Variants in FBXO21 observed in about 807,000 individuals in gnomAD.
FBXO21 encodes F-box only protein 21.
Under a neutral mutation model 76.6 loss-of-function variants are expected in FBXO21, and 32 were observed. The ratio of observed to expected loss-of-function variants is 0.42; its 90% CI spans 0.32 to 0.56. The LOEUF (loss-of-function observed/expected upper bound fraction) is 0.56, where lower values mean the gene tolerates loss of function less well. Among genes scored for constraint, FBXO21 ranks in the 20% least tolerant of loss-of-function variants. FBXO21 has a pLI of 0.16. For missense variants in FBXO21, 586 were observed against 797.3 expected (o/e 0.73, Z 3.19); for synonymous variants, 328 against 311.5 (o/e 1.05, Z -0.56).
chr12:117,185,684 A>G (rs1034758629), intron 3 of FBXO21, among the ~76,000 whole-genome samples: 11 of 152,256 alleles, frequency 7.2e-5, no homozygotes, highest in Non-Finnish European at 1.3e-4. Flanking sequence ...TCACCCAAAG[A>G]TCTACAGTGT....
intron 7 of FBXO21, among the ~76,000 whole-genome samples, chr12:117,170,798 A>G (rs1402907108): frequency 6.6e-6 from 1 of 152,238 alleles, no homozygotes; most frequent in Non-Finnish European, 1.5e-5. Context: ...GGTGTCTTAA[A>G]TGTTTTATAG....
In FBXO21 at chr12:117,145,978, C is replaced by G; in HGVS notation, c.*109G>C. ...GCAACCAGCACTACTGGTGGAGTGG[C>G]TTTCCTGGTGCAGCAGGTCCCGAGG... is the stretch of plus-strand genomic sequence containing the variant. On this transcript the variant is annotated 3_prime_UTR_variant, in exon 12 of 12. Coordinates refer to ENST00000622495, the MANE Select transcript of FBXO21 (RefSeq NM_015002.3). The G allele has an allele frequency of 1.2e-6, 1 of 843,516 alleles. No individual in the cohort carries two copies. Among genetic ancestry groups the G allele is most frequent in the Non-Finnish European group, 1.8e-6 (1 of 555,952 alleles). 52.3% of individuals were successfully genotyped at this position (843,516 alleles called of 1,614,324 possible).
At position 117,174,352 on chromosome 12, in the gene FBXO21, G is replaced by C. The variant is rs61568898; in HGVS notation, c.740-11C>G. 1 of 1,613,988 alleles carries C rather than the reference G, an allele frequency of 6.2e-7. No homozygotes were observed. Among genetic ancestry groups the C allele is most frequent in the East Asian group, 2.2e-5 (1 of 44,870 alleles). ...TCATGGATGATTCACCTGAAACACA[G>C]AGATCTACTCTGGGACCCAAGCACA... On this transcript the variant is annotated splice_polypyrimidine_tract_variant and intron_variant, in intron 5 of 11. Coordinates refer to ENST00000622495, the MANE Select transcript of FBXO21 (RefSeq NM_015002.3).
chr12:117,159,347 G>A (rs1955951813), intron 9 of FBXO21, among the ~76,000 whole-genome samples: 1 of 151,230 alleles, frequency 6.6e-6, no homozygotes, highest in Non-Finnish European at 1.5e-5. Flanking sequence ...GCCACTTCCC[G>A]AACAGGACTC....
At chr12:117,172,695 G>A in intron 6 of FBXO21, 88 bp from the exon 7 acceptor site, 1 of 1,371,812 alleles carries the variant, frequency 7.3e-7, no homozygotes, top group Non-Finnish European at 1.0e-6. Context: ...CACCTATTGT[G>A]CATTGGGCAT....
At position 117,143,824 on chromosome 12, in the gene FBXO21, A is replaced by C. The variant is rs1955739593; in HGVS notation, c.*2263T>G. On this transcript the variant is annotated 3_prime_UTR_variant, in exon 12 of 12. Coordinates refer to ENST00000622495, the MANE Select transcript of FBXO21 (RefSeq NM_015002.3). ...CCATTTATTAATCATTGTACAAAAA[A>C]ATCTTGGCATTCATTTGAAGAGAAA... 6.5e-6 allele frequency: 1 copy of C among 152,694 alleles called. No homozygotes were observed. Among genetic ancestry groups the C allele is most frequent in the Non-Finnish European group, 1.5e-5 (1 of 68,054 alleles). The allele number at this position is 152,694 out of a possible 1,614,324, so 9.5% of individuals were successfully genotyped here. A position where few individuals can be genotyped will look rare whatever the true frequency, so the allele number is the denominator to read the frequency against.
Position 117,188,417 on chromosome 12 carries a change from T to C in FBXO21, c.375+810A>G, listed in dbSNP as rs939769895. 3.9e-5 allele frequency among the ~76,000 whole-genome samples: 6 copies of C among 152,060 alleles called. No individual in the cohort carries two copies. In the South Asian group the frequency reaches 1.2e-3, roughly 32 times the overall value. On this transcript the variant is annotated intron_variant, in intron 2 of 11. Transcript: ENST00000622495. ...AAAATTATCCAGGTATGGTGGCGCA[T>C]GCCTGTAGTCCCGGCTACTCGGGAG...
chr12:117,154,542 T>G (rs967977410), intron 11 of FBXO21, among the ~76,000 whole-genome samples: 2 of 152,314 alleles, frequency 1.3e-5, no homozygotes, highest in Admixed American at 1.3e-4. Context: ...TACACTACTC[T>G]GCCTGGCTAA....
In FBXO21 at chr12:117,150,956, T is replaced by TTTTG. The variant is rs1461843192; in HGVS notation, c.1676-4680_1676-4679insCAAA. Among the ~76,000 whole-genome samples, 184 of 94,714 alleles carry TTTTG rather than the reference T, an allele frequency of 1.9e-3. 2 individuals are homozygous for TTTTG. Among genetic ancestry groups the TTTTG allele is most frequent in the African/African-American group, 5.3e-3 (127 of 23,768 alleles). The allele number at this position is 94,714 out of a possible 152,430, so 62.1% of individuals were successfully genotyped here. ...TTGAGTTTGGAAGTATCAAATAAGT[T>TTTTG]TGTGTGTGTGTGTGTGTGTGTGTGT... On this transcript the variant is annotated intron_variant, in intron 11 of 11. Transcript: ENST00000622495.
chr12:117,189,021 A>G, intron 2 of FBXO21: 1 of 613,636 alleles, frequency 1.6e-6, no homozygotes. Context: ...CTGGCTTTAG[A>G]AAAGTAAAGC....
Position 117,174,657 on chromosome 12 carries a change from T to G in FBXO21, c.733A>C (p.Lys245Gln), listed in dbSNP as rs1215495348. 3 of 1,614,120 alleles carry G rather than the reference T, an allele frequency of 1.9e-6. No individual in the cohort carries two copies. In the East Asian group the frequency reaches 6.7e-5, roughly 36 times the overall value. ...INSRHPSLAF[K>Q]AGESSMIMEI... ...ATCCAAAGCAATGCCACACCTGCCT[T>G]GAAGGCCAAGCTGGGGTGGCGACTG... The change falls in exon 5 of 12, where the codon AAG becomes CAG. Residue 245 changes from lysine to glutamine, a missense_variant. Physicochemically the swap from Lys to Gln is moderately conservative, Grantham distance 53. Around this residue, in one of 6 missense-constraint regions of FBXO21, gnomAD observed 246 missense variants for 356.8 expected, o/e 0.69. Transcript: ENST00000622495.
rs1956321028 is a variant in FBXO21 at position 117,189,322 on chromosome 12, C to T, written c.280G>A (p.Val94Ile). 1 of 1,614,132 alleles carries T rather than the reference C, an allele frequency of 6.2e-7. No homozygotes were observed. The highest frequency in any genetic ancestry group is 8.5e-7 in the Non-Finnish European group (1 of 1,180,008). ...LMKHYSPTDY[V>I]NWLEEYKVRQ... ...ACTTTATACTCTTCCAACCAATTGA[C>T]GTAGTCGGTGGGGCTGTAGTGTTTC... Residue 94 changes from valine (V) to isoleucine (I), a missense_variant, in exon 2 of 12, where the codon GTC (valine) becomes ATC (isoleucine). Val to Ile is a conservative substitution (Grantham distance 29). Transcript: ENST00000622495.
intron 2 of FBXO21, among the ~76,000 whole-genome samples, chr12:117,188,185 T>C (rs1460501609): frequency 6.6e-6 from 1 of 152,236 alleles, no homozygotes; most frequent in African/African-American, 2.4e-5. Context: ...GAATAGTTTG[T>C]TGAACTCAAA....
chr12:117,164,076 A>G (rs1405960709), intron 9 of FBXO21, among the ~76,000 whole-genome samples: 1 of 151,424 alleles, frequency 6.6e-6, no homozygotes, highest in Admixed American at 6.6e-5. Context: ...CCTGGGCAAC[A>G]TGGTGAAACT....
intron 11 of FBXO21, among the ~76,000 whole-genome samples, chr12:117,148,730 A>C (rs1955806733): frequency 6.6e-6 from 1 of 152,208 alleles, no homozygotes; most frequent in Non-Finnish European, 1.5e-5. Flanking sequence ...GGGAACCAGA[A>C]GTAAGAAAAA....
Position 117,190,445 on chromosome 12 carries a change from T to TGCCGCCGCCATCTTGTCCGCGTACCTGGG in FBXO21, c.11_12insCCCAGGTACGCGGACAAGATGGCGGCGGC (p.Ala5ProfsTer30), listed in dbSNP as rs1956337586. 2.2e-6 allele frequency: 3 copies of TGCCGCCGCCATCTTGTCCGCGTACCTGGG among 1,371,944 alleles called. No homozygotes were observed. The highest frequency in any genetic ancestry group is 2.4e-5 in the Admixed American group (1 of 40,944). 85.0% of individuals were successfully genotyped at this position (1,371,944 alleles called of 1,614,324 possible). On this transcript the variant is annotated frameshift_variant, in exon 1 of 12. Transcript: ENST00000622495. LOFTEE classifies it high-confidence loss of function. ...CCACCTCCATCGCGCTGTCGACTGC[T>TGCCGCCGCCATCTTGTCCGCGTACCTGGG]GCCGCCGCCATCTTGTCCGCGTACC...
chr12:117,148,545 AC>A (rs897928479), intron 11 of FBXO21, among the ~76,000 whole-genome samples: 1 of 152,238 alleles, frequency 6.6e-6, no homozygotes, highest in Non-Finnish European at 1.5e-5. Flanking sequence ...TTGCTCCATG[AC>A]GTGGCACAGT....
At chr12:117,148,643 C>G (rs1386851687) in intron 11 of FBXO21, among the ~76,000 whole-genome samples, 2 of 152,238 alleles carry the variant, frequency 1.3e-5, no homozygotes, top group African/African-American at 4.8e-5. Flanking sequence ...CTGGAAGGAG[C>G]CCCCTTCTGC....
At chr12:117,169,451 T>C (rs1324767239) in intron 7 of FBXO21, among the ~76,000 whole-genome samples, 2 of 151,896 alleles carry the variant, frequency 1.3e-5, no homozygotes, top group East Asian at 3.9e-4. Context: ...CATGTACACC[T>C]GAACTTAAAA....
Sources: gnomAD v4.1 joint callset for allele counts (sites outside exome capture counted in the v4.1 genomes callset) on GRCh38, gnomAD v4.1.1 for gene constraint, gnomAD v4.1.1 regional missense constraint, MANE v1.5 for transcripts, NCBI Gene and HGNC (gene_info 2026-07-23, HGNC 2026-07-21) for gene names.